Variants in GRM8 observed in about 807,000 individuals in gnomAD.
The protein encoded by GRM8 is glutamate metabotropic receptor 8.
A neutral mutation model predicts 87.2 loss-of-function variants in GRM8; 47 were observed. That is an observed-to-expected ratio of 0.54 (90% CI 0.43 to 0.69). The LOEUF is 0.69. Among genes scored for constraint, GRM8 ranks in the 30% least tolerant of loss-of-function variants. The pLI is 0.00. For synonymous variants in GRM8, 396 were observed against 404.5 expected, an observed-to-expected ratio of 0.98 and a Z score of 0.25; for missense variants, 1,019 against 1,139.2, an observed-to-expected ratio of 0.89 and a Z score of 1.52.
At chr7:126,741,598 A>G (rs1440378533) in intron 7 of GRM8, among the ~76,000 whole-genome samples, 1 of 152,138 alleles carries the variant, frequency 6.6e-6, no homozygotes, top group African/African-American at 2.4e-5. Context: ...GTCTAACACG[A>G]GCTGACAGCA....
chr7:126,753,238 C>T (rs1430261757), intron 7 of GRM8, among the ~76,000 whole-genome samples: 2 of 151,734 alleles, frequency 1.3e-5, no homozygotes, highest in East Asian at 3.9e-4. Flanking sequence ...AGTGGTAGAG[C>T]CAGGATTTGA....
intron 3 of GRM8, among the ~76,000 whole-genome samples, chr7:127,073,111 C>A (rs1821890923): frequency 6.6e-6 from 1 of 152,158 alleles, no homozygotes; most frequent in Non-Finnish European, 1.5e-5. Flanking sequence ...TTCCTCTGCC[C>A]AGAAGGCAGG....
chr7:126,731,249 C>T (rs902412758), intron 7 of GRM8, among the ~76,000 whole-genome samples: 8 of 152,124 alleles, frequency 5.3e-5, no homozygotes, highest in Non-Finnish European at 8.8e-5. Flanking sequence ...ACCCTGGCCA[C>T]TCTCAGGAGG....
chr7:126,639,032 C>T (rs1255116853), intron 7 of GRM8, among the ~76,000 whole-genome samples: 1 of 152,150 alleles, frequency 6.6e-6, no homozygotes, highest in African/African-American at 2.4e-5. Flanking sequence ...ACGCTGGCTT[C>T]CCCAGGGACA....
chr7:126,840,405 C>A (rs557141962), intron 6 of GRM8, among the ~76,000 whole-genome samples: 1 of 152,258 alleles, frequency 6.6e-6, no homozygotes, highest in East Asian at 1.9e-4. Context: ...AACTGACTTT[C>A]ATAGTATCCA....
intron 2 of GRM8, among the ~76,000 whole-genome samples, chr7:127,222,962 T>C (rs561737771): frequency 1.3e-5 from 2 of 152,288 alleles, no homozygotes; most frequent in East Asian, 3.9e-4. Flanking sequence ...CAAGAATTAA[T>C]GGACGTTCTC....
intron 6 of GRM8, among the ~76,000 whole-genome samples, chr7:126,839,445 T>A (rs2130557587): frequency 6.6e-6 from 1 of 152,298 alleles, no homozygotes; most frequent in East Asian, 1.9e-4. Flanking sequence ...CTCAGGGGTC[T>A]CTAGCTCAAA....
chr7:126,747,878 T>G (rs1459420323), intron 7 of GRM8, among the ~76,000 whole-genome samples: 1 of 152,046 alleles, frequency 6.6e-6, no homozygotes, highest in East Asian at 1.9e-4. Context: ...GTATTTATTA[T>G]TCCTGTGTAT....
intron 3 of GRM8, among the ~76,000 whole-genome samples, chr7:126,913,166 G>A (rs13311583): frequency 6.6e-6 from 1 of 152,158 alleles, no homozygotes; most frequent in African/African-American, 2.4e-5. Flanking sequence ...AACTTATTGG[G>A]ATGAAATTAC....
In GRM8 at chr7:126,924,415, G is replaced by A. The variant is rs116263290; in HGVS notation, c.728-19732C>T. ...CTGCATTATGTCATTCTACAACAGG[G>A]ATTAGACTGCATAATCCCTCTGGAT... On this transcript the variant is annotated intron_variant, in intron 3 of 10. Transcript: ENST00000339582. 3.0e-3 allele frequency among the ~76,000 whole-genome samples: 461 copies of A among 152,262 alleles called. 5 individuals are homozygous for A. Among genetic ancestry groups the A allele is most frequent in the African/African-American group, 0.011 (441 of 41,538 alleles).
At chr7:126,982,575 T>TA (rs1260195048) in intron 3 of GRM8, among the ~76,000 whole-genome samples, 6 of 152,176 alleles carry the variant, frequency 3.9e-5, no homozygotes, top group African/African-American at 1.4e-4. Context: ...TAACAATACT[T>TA]AAATACTGAC....
At chr7:126,630,432 T>A (rs2151170187) in intron 7 of GRM8, among the ~76,000 whole-genome samples, 1 of 152,224 alleles carries the variant, frequency 6.6e-6, no homozygotes, top group Non-Finnish European at 1.5e-5. Flanking sequence ...TATTAGCAAC[T>A]GAATTGGTAT....
intron 2 of GRM8, among the ~76,000 whole-genome samples, chr7:127,163,231 G>T (rs1393866185): frequency 6.6e-6 from 1 of 152,160 alleles, no homozygotes; most frequent in Non-Finnish European, 1.5e-5. Flanking sequence ...GCCTCAGGAA[G>T]CTTATCAGGC....
intron 3 of GRM8, among the ~76,000 whole-genome samples, chr7:126,959,180 A>G (rs1003038): frequency 0.77 from 117,151 of 152,132 alleles, 45,504 homozygotes; most frequent in East Asian, 0.97. Flanking sequence ...AAAATTTTAA[A>G]GACTGACTTG....
chr7:126,915,332 T>G (rs1333733202), intron 3 of GRM8, among the ~76,000 whole-genome samples: 1 of 152,272 alleles, frequency 6.6e-6, no homozygotes, highest in African/African-American at 2.4e-5. Flanking sequence ...ACACATTACG[T>G]TTTCCTCAGA....
At chr7:127,038,934 A>G (rs965357126) in intron 3 of GRM8, among the ~76,000 whole-genome samples, 1 of 152,206 alleles carries the variant, frequency 6.6e-6, no homozygotes, top group African/African-American at 2.4e-5. Context: ...AGACAAAGTT[A>G]AAGCTAAAGA....
At chr7:126,609,148 A>T (rs1798661982) in intron 8 of GRM8, among the ~76,000 whole-genome samples, 1 of 152,088 alleles carries the variant, frequency 6.6e-6, no homozygotes, top group Non-Finnish European at 1.5e-5. Context: ...AAAAAATCAG[A>T]TCATTCATTA....
intron 3 of GRM8, among the ~76,000 whole-genome samples, chr7:127,017,021 T>C (rs1815750126): frequency 6.6e-6 from 1 of 152,112 alleles, no homozygotes; most frequent in Admixed American, 6.6e-5. Context: ...TTGTGCTAAC[T>C]TTCCTAAGTT....
At chr7:126,786,438 C>T (rs1440945156) in intron 6 of GRM8, among the ~76,000 whole-genome samples, 1 of 152,122 alleles carries the variant, frequency 6.6e-6, no homozygotes, top group Non-Finnish European at 1.5e-5. Flanking sequence ...AATTTTAAGA[C>T]AATTTTGTTA....
Sources: allele counts gnomAD v4.1 joint callset (sites outside exome capture counted in the v4.1 genomes callset), GRCh38; gene constraint gnomAD v4.1.1; transcripts MANE v1.5; gene names NCBI Gene and HGNC (gene_info 2026-07-23, HGNC 2026-07-21).